Variants in FMN1 observed in about 807,000 individuals in gnomAD.
FMN1 encodes the protein formin-1.
FMN1 carries 110 observed loss-of-function variants against 132.4 expected under a neutral mutation model. The ratio of observed to expected loss-of-function variants is 0.83; its 90% CI spans 0.71 to 0.97. The LOEUF is 0.97. FMN1 is among the 50% of genes least tolerant of loss of function. The pLI is 0.00. For missense variants in FMN1, 1,792 were observed against 1,705.3 expected, an observed-to-expected ratio of 1.05 and a Z score of -0.90; for synonymous variants, 722 against 651.7, an observed-to-expected ratio of 1.11 and a Z score of -1.64.
At chr15:32,867,441 C>T (rs953676413) in intron 16 of FMN1, among the ~76,000 whole-genome samples, 2 of 152,220 alleles carry the variant, frequency 1.3e-5, no homozygotes, top group African/African-American at 2.4e-5. Context: ...CTCTCCTTCA[C>T]TTCCTAGTAA....
rs571299526 is a variant in FMN1, at chr15:32,783,433, A to C, written c.4131-6514T>G. Among the ~76,000 whole-genome samples, 5 of 152,222 alleles carry C rather than the reference A, an allele frequency of 3.3e-5. No homozygotes were observed. The East Asian group carries it at 9.7e-4, about 29-fold the overall frequency. ...GTCATGTCCTCTGATGTTCTTGCCTAGTCTTGACTCTGTAGAAGTTGACTG... is the reference window on the plus strand; with the variant it reads ...GTCATGTCCTCTGATGTTCTTGCCTCGTCTTGACTCTGTAGAAGTTGACTG... On this transcript the variant is annotated intron_variant, in intron 19 of 20. Coordinates refer to ENST00000616417, the MANE Select transcript of FMN1 (RefSeq NM_001277313.2).
intron 17 of FMN1, among the ~76,000 whole-genome samples, chr15:32,824,622 C>G (rs2058319241): frequency 6.6e-6 from 1 of 152,122 alleles, no homozygotes; most frequent in African/African-American, 2.4e-5. Context: ...GAGACAAGGT[C>G]TCACTCTGTC....
rs993951400 is a variant in FMN1 at position 32,774,256 on chromosome 15, G to C, written c.*54C>G. 19 of 1,349,204 alleles carry C rather than the reference G, an allele frequency of 1.4e-5. No individual in the cohort carries two copies. The highest frequency in any genetic ancestry group is 1.9e-5 in the Non-Finnish European group (18 of 953,490). 83.6% of individuals were successfully genotyped at this position (1,349,204 alleles called of 1,614,324 possible). A position where few individuals can be genotyped will look rare whatever the true frequency, so the allele number is the denominator to read the frequency against. ...TCCTGCAACCCTGTGGTCACAAAGA[G>C]TATGCGTGCAAGGTCCTCCACCTCC... On this transcript the variant is annotated 3_prime_UTR_variant, in exon 21 of 21. Coordinates refer to ENST00000616417, the MANE Select transcript of FMN1 (RefSeq NM_001277313.2).
At chr15:33,059,439 G>C (rs897536611) in intron 6 of FMN1, among the ~76,000 whole-genome samples, 2 of 152,064 alleles carry the variant, frequency 1.3e-5, no homozygotes, top group Non-Finnish European at 2.9e-5. Context: ...TCATTTTGTA[G>C]TTCTATTTTT....
At chr15:32,910,196 G>T (rs2060523423) in intron 11 of FMN1, among the ~76,000 whole-genome samples, 1 of 152,176 alleles carries the variant, frequency 6.6e-6, no homozygotes, top group South Asian at 2.1e-4. Flanking sequence ...CACTTGGCCA[G>T]CAAGTGACAG....
At chr15:32,839,951 A>G (rs1266651917) in intron 17 of FMN1, among the ~76,000 whole-genome samples, 1 of 152,218 alleles carries the variant, frequency 6.6e-6, no homozygotes, top group Non-Finnish European at 1.5e-5. Flanking sequence ...CGCTAAGTCA[A>G]TAAGACCAAT....
In FMN1 at chr15:32,927,694, T is replaced by C. The variant is rs139839473; in HGVS notation, c.3139-1433A>G. 2.4e-4 allele frequency among the ~76,000 whole-genome samples: 37 copies of C among 152,328 alleles called. No individual in the cohort carries two copies. The East Asian group carries it at 6.2e-3, about 25-fold the overall frequency. ...TAGTTTTGTGTTTCTCTACAACTAG[T>C]AAACCAAATCAGCTCCCTGGTAACA... On this transcript the variant is annotated intron_variant, in intron 9 of 20. Transcript: ENST00000616417.
At chr15:32,890,442 A>G (rs2060000227) in intron 15 of FMN1, among the ~76,000 whole-genome samples, 1 of 151,944 alleles carries the variant, frequency 6.6e-6, no homozygotes, top group African/African-American at 2.4e-5. Flanking sequence ...CTGTTTTCTG[A>G]TTTTTTGATT....
chr15:33,024,258 T>TTTTTTTTTTTTG (rs2035564355), intron 6 of FMN1, among the ~76,000 whole-genome samples: 1 of 87,766 alleles, frequency 1.1e-5, no homozygotes, highest in East Asian at 2.6e-4. Context: ...TTTTTTTTTT[T>TTTTTTTTTTTTG]TTTTGAGATG....
chr15:32,796,731 G>A, intron 19 of FMN1, among the ~76,000 whole-genome samples: 1 of 152,142 alleles, frequency 6.6e-6, no homozygotes. Context: ...CTCACTTTAG[G>A]ATTTTAAGAA....
At chr15:33,109,210 C>T (rs186164307) in intron 4 of FMN1, among the ~76,000 whole-genome samples, 1 of 151,944 alleles carries the variant, frequency 6.6e-6, no homozygotes, top group Non-Finnish European at 1.5e-5. Flanking sequence ...TGTCTTTGTT[C>T]TAAAATGCAA....
Position 32,777,009 on chromosome 15 carries a change from C to G in FMN1, c.4131-90G>C, listed in dbSNP as rs1048967156. ...AAGAAAAGAGTTAAGGCAGGTTAAA[C>G]ATAAACCCAAATGCTTTTGAATTAA... On this transcript the variant is annotated intron_variant, in intron 19 of 20. Transcript: ENST00000616417. 9.6e-6 allele frequency: 7 copies of G among 725,504 alleles called. No homozygotes were observed. The East Asian group carries it at 2.0e-4, about 20-fold the overall frequency. 44.9% of individuals were successfully genotyped at this position (725,504 alleles called of 1,614,324 possible).
chr15:33,153,263 A>C lies in FMN1; in HGVS notation c.1652T>G (p.Leu551Arg), dbSNP rs267604154. 3 of 1,536,178 alleles carry C rather than the reference A, an allele frequency of 2.0e-6. No individual in the cohort carries two copies. The South Asian group carries it at 3.6e-5, about 18-fold the overall frequency. ...PALPGEREAALNDSPCRKSRV... is the reference protein window; with the variant it reads ...PALPGEREAARNDSPCRKSRV... Reference sequence around the variant, plus strand: ...GCTCTTTCTACAAGGAGAGTCATTAAGAGCAGCTTCCCTCTCACCAGGCAA... The same window carrying C: ...GCTCTTTCTACAAGGAGAGTCATTACGAGCAGCTTCCCTCTCACCAGGCAA... Residue 551 changes from leucine (L) to arginine (R), a missense_variant, in exon 4 of 21, where the codon CTT (leucine) becomes CGT (arginine). Around this residue, in one of 3 missense-constraint regions of FMN1, gnomAD observed 1,150 missense variants for 1,043.1 expected, o/e 1.10. Coordinates refer to ENST00000616417, the MANE Select transcript of FMN1 (RefSeq NM_001277313.2).
intron 4 of FMN1, among the ~76,000 whole-genome samples, chr15:33,114,850 T>A (rs1181345421): frequency 6.6e-6 from 1 of 151,060 alleles, no homozygotes; most frequent in Non-Finnish European, 1.5e-5. Flanking sequence ...GGAAATTAAC[T>A]TTTTTCCCCT....
chr15:32,816,431 G>A (rs545944804), intron 17 of FMN1, among the ~76,000 whole-genome samples: 20 of 152,230 alleles, frequency 1.3e-4, no homozygotes, highest in African/African-American at 4.6e-4. Context: ...AAAATATTAT[G>A]GTTGCTATTT....
At chr15:33,099,412 A>C (rs1196543230) in intron 4 of FMN1, among the ~76,000 whole-genome samples, 1 of 152,224 alleles carries the variant, frequency 6.6e-6, no homozygotes, top group African/African-American at 2.4e-5. Context: ...TGTATGTATC[A>C]CTAAGGCATC....
intron 19 of FMN1, among the ~76,000 whole-genome samples, chr15:32,788,897 T>C (rs143730551): frequency 4.3e-4 from 66 of 152,340 alleles, no homozygotes; most frequent in African/African-American, 1.6e-3. Context: ...CATTAACTAA[T>C]CTTTCTTGTT....
chr15:33,155,196 C>G lies in FMN1; in HGVS notation c.-131-151G>C, dbSNP rs1180501171. Among the ~76,000 whole-genome samples, 3 of 152,178 alleles carry G rather than the reference C, an allele frequency of 2.0e-5. No individual in the cohort carries two copies. In the East Asian group the frequency reaches 5.8e-4, roughly 29 times the overall value. On this transcript the variant is annotated intron_variant, in intron 3 of 20. Coordinates refer to ENST00000616417, the MANE Select transcript of FMN1 (RefSeq NM_001277313.2). ...TCAGACAACAGCCAGATTTCAATCT[C>G]TTCCTCACTCCCACCCTACTCCTGA... is the stretch of plus-strand genomic sequence containing the variant.
At chr15:33,087,729 A>AAACTATAG (rs1239691740) in intron 5 of FMN1, among the ~76,000 whole-genome samples, 1 of 152,192 alleles carries the variant, frequency 6.6e-6, no homozygotes, top group East Asian at 1.9e-4. Context: ...TGCAATTGCA[A>AAACTATAG]AACTATAGAA....
Sources: allele counts gnomAD v4.1 joint callset (sites outside exome capture counted in the v4.1 genomes callset), GRCh38; gene constraint gnomAD v4.1.1; regional missense constraint gnomAD v4.1.1; transcripts MANE v1.5; gene names NCBI Gene and HGNC (gene_info 2026-07-23, HGNC 2026-07-21).